The following XKR9 variants were observed in gnomAD, a reference collection of about 807,000 sequenced individuals.
The protein encoded by XKR9 is XK-related protein 9.
A neutral mutation model predicts 32.0 loss-of-function variants in XKR9; 32 were observed. That is an observed-to-expected ratio of 1.00 (90% CI 0.76 to 1.34). XKR9 has a LOEUF of 1.34. Ranked by LOEUF, XKR9 falls within the 40% of genes most tolerant of loss-of-function variation. The probability of loss-of-function intolerance (pLI) is 0.00; values close to 1 mark genes in which losing one functional copy is unlikely to be tolerated. For missense variants in XKR9, 546 were observed against 429.7 expected (o/e 1.27, Z -2.39); for synonymous variants, 168 against 143.4 (o/e 1.17, Z -1.22).
the XKR9 span, among the ~76,000 whole-genome samples, chr8:70,882,470 A>G: frequency 1.3e-5 from 2 of 151,772 alleles, no homozygotes; most frequent in African/African-American, 2.4e-5. Context: ...GTGATAATGT[A>G]CAGTACTGAC....
chr8:70,810,339 C>G, the XKR9 span, among the ~76,000 whole-genome samples: 24 of 152,122 alleles, frequency 1.6e-4, no homozygotes, highest in Admixed American at 1.6e-3. Flanking sequence ...CAAAAACATG[C>G]CAAAATGTAA....
At chr8:71,004,067 A>C in the XKR9 span, among the ~76,000 whole-genome samples, 1 of 151,476 alleles carries the variant, frequency 6.6e-6, no homozygotes, top group Non-Finnish European at 1.5e-5. Flanking sequence ...ATGGCCCTCG[A>C]AGGAGGGTAA....
chr8:71,014,692 T>C, the XKR9 span, among the ~76,000 whole-genome samples: 29 of 152,306 alleles, frequency 1.9e-4, no homozygotes, highest in Non-Finnish European at 2.9e-4. Context: ...TGGACATATC[T>C]TTTTGGGGGC....
At chr8:70,829,606 A>G in the XKR9 span, among the ~76,000 whole-genome samples, 30 of 151,742 alleles carry the variant, frequency 2.0e-4, no homozygotes, top group African/African-American at 7.3e-4. Flanking sequence ...CCGCTACCAC[A>G]CCCGGTTAAT....
chr8:70,792,051 A>C (rs58019386), downstream of XKR9, among the ~76,000 whole-genome samples: 11,043 of 152,100 alleles, frequency 0.073, 474 homozygotes, highest in Non-Finnish European at 0.089. Context: ...GCCTGTCCTT[A>C]AGAAAGGATC....
chr8:71,020,575 A>G, the XKR9 span, among the ~76,000 whole-genome samples: 1 of 152,228 alleles, frequency 6.6e-6, no homozygotes, highest in East Asian at 1.9e-4. Context: ...CATCATCATA[A>G]AAGTCTAATT....
the XKR9 span, among the ~76,000 whole-genome samples, chr8:70,955,659 G>A: frequency 1.3e-5 from 2 of 152,168 alleles, no homozygotes; most frequent in African/African-American, 2.4e-5. Flanking sequence ...AGTTTTGCTT[G>A]GGCCTGCTGG....
At chr8:70,948,565 T>TA in the XKR9 span, among the ~76,000 whole-genome samples, 3 of 152,124 alleles carry the variant, frequency 2.0e-5, no homozygotes, top group Middle Eastern at 3.2e-3. Flanking sequence ...GCAGCTCAGA[T>TA]ATGGCATGTC....
the XKR9 span, among the ~76,000 whole-genome samples, chr8:70,918,854 T>A: frequency 1.5e-5 from 2 of 129,528 alleles, no homozygotes; most frequent in Admixed American, 1.8e-4. Context: ...CTCGGCTCAC[T>A]GCAAGCTCCA....
At chr8:71,053,911 G>A in the XKR9 span, among the ~76,000 whole-genome samples, 1 of 152,164 alleles carries the variant, frequency 6.6e-6, no homozygotes, top group Non-Finnish European at 1.5e-5. Context: ...AAACCCAGCT[G>A]CCAAGCTAAT....
the XKR9 span, among the ~76,000 whole-genome samples, chr8:70,800,587 G>A: frequency 2.0e-5 from 3 of 152,146 alleles, no homozygotes; most frequent in Non-Finnish European, 4.4e-5. Context: ...CTGGGCTCAA[G>A]TGATTCTATT....
At chr8:70,715,910 C>T (rs557201644) in intron 4 of XKR9, among the ~76,000 whole-genome samples, 1 of 151,598 alleles carries the variant, frequency 6.6e-6, no homozygotes, top group Non-Finnish European at 1.5e-5. Flanking sequence ...TATAAGGTCT[C>T]AAAAAATTTT....
chr8:70,775,556 A>G (rs1294105934), intron 2 of XKR9, among the ~76,000 whole-genome samples: 1 of 152,116 alleles, frequency 6.6e-6, no homozygotes, highest in East Asian at 1.9e-4. Context: ...GCATTTATTG[A>G]GATGCTCTGA....
chr8:71,018,677 G>A, the XKR9 span, among the ~76,000 whole-genome samples: 140 of 152,152 alleles, frequency 9.2e-4, no homozygotes, highest in Non-Finnish European at 3.4e-4. Context: ...GAGCTGTAAA[G>A]TTGTAAAAAC....
chr8:70,846,905 C>T, the XKR9 span, among the ~76,000 whole-genome samples: 1 of 151,970 alleles, frequency 6.6e-6, no homozygotes, highest in African/African-American at 2.4e-5. Flanking sequence ...CTGCAACACA[C>T]CATTCTCAGC....
At chr8:70,848,887 C>T in the XKR9 span, among the ~76,000 whole-genome samples, 12 of 151,780 alleles carry the variant, frequency 7.9e-5, no homozygotes, top group South Asian at 8.3e-4. Context: ...ATCAATGCAA[C>T]GAGAAAAGCT....
chr8:71,021,890 T>C, the XKR9 span, among the ~76,000 whole-genome samples: 1 of 152,252 alleles, frequency 6.6e-6, no homozygotes, highest in African/African-American at 2.4e-5. Flanking sequence ...TTTGAGGACT[T>C]AGTCATAAAT....
At chr8:70,770,421 T>G (rs1807438055) in intron 2 of XKR9, among the ~76,000 whole-genome samples, 1 of 152,114 alleles carries the variant, frequency 6.6e-6, no homozygotes, top group Admixed American at 6.6e-5. Flanking sequence ...GCAGTCTGTC[T>G]GTAGCAGAGC....
At position 70,776,943 on chromosome 8, in the gene XKR9, C is replaced by CTATATA. The variant is rs1458131849; in HGVS notation, n.353-12395_353-12394insATATAT. Among the ~76,000 whole-genome samples, 4 of 38,314 alleles carry CTATATA rather than the reference C, an allele frequency of 1.0e-4. No homozygotes were observed. The East Asian group carries it at 2.3e-3, about 22-fold the overall frequency. 25.1% of individuals were successfully genotyped at this position (38,314 alleles called of 152,430 possible). On this transcript the variant is annotated intron_variant and non_coding_transcript_variant, in intron 2 of 3. Coordinates refer to the XKR9 transcript ENST00000520273. ...TTTCTTTCTCTCTCTCTCTCTCTCT[C>CTATATA]TCTCTATATATATATATATATGTAT...
Sources: allele counts gnomAD v4.1 joint callset (sites outside exome capture counted in the v4.1 genomes callset), GRCh38; gene constraint gnomAD v4.1.1; transcripts MANE v1.5; gene names NCBI Gene and HGNC (gene_info 2026-07-23, HGNC 2026-07-21).